The following SEL1L2 variants were observed in gnomAD, a reference collection of about 807,000 sequenced individuals.
SEL1L2 encodes the protein SEL1L2 adaptor subunit of SYVN1 ubiquitin ligase.
Under a neutral mutation model 98.8 loss-of-function variants are expected in SEL1L2, and 89 were observed. The ratio of observed to expected loss-of-function variants is 0.90; its 90% CI spans 0.76 to 1.07. The LOEUF (loss-of-function observed/expected upper bound fraction) is 1.07. Among genes scored for constraint, SEL1L2 ranks in the 50% least tolerant of loss-of-function variants. SEL1L2 has a pLI of 0.00. For synonymous variants in SEL1L2, 262 were observed against 278.5 expected (o/e 0.94, Z 0.59); for missense variants, 788 against 812.0 (o/e 0.97, Z 0.36).
intron 5 of SEL1L2, 70 bp downstream of exon 5, chr20:13,913,712 C>G: frequency 7.5e-7 from 1 of 1,338,734 alleles, no homozygotes; most frequent in Non-Finnish European, 9.9e-7. Context: ...TTGCTCAACT[C>G]CTTTCACATG....
At position 13,906,005 on chromosome 20, in the gene SEL1L2, G is replaced by T. The variant is rs567422621; in HGVS notation, c.549+7777C>A. Among the ~76,000 whole-genome samples the T allele has an allele frequency of 7.0e-4, 107 of 151,882 alleles. 4 individuals carry two copies. The South Asian group carries it at 0.021, about 30-fold the overall frequency. On this transcript the variant is annotated intron_variant, in intron 5 of 19. Transcript: ENST00000284951. ...TTCTCCTGCCTCGGCCTTCCAAGTG[G>T]CTGGGATTACAAGCATGCACCACCA...
intron 2 of SEL1L2, among the ~76,000 whole-genome samples, chr20:13,934,445 C>T (rs2049336110): frequency 1.8e-5 from 1 of 54,206 alleles, no homozygotes; most frequent in African/African-American, 9.1e-5. Context: ...TATATATATT[C>T]CATATATATA....
At chr20:13,935,171 G>A (rs577829023) in intron 2 of SEL1L2, among the ~76,000 whole-genome samples, 2 of 152,262 alleles carry the variant, frequency 1.3e-5, no homozygotes, top group South Asian at 2.1e-4. Context: ...CACAGTCAGC[G>A]AGACCAAGTA....
At chr20:13,981,017 T>G (rs962440555) in intron 1 of SEL1L2, among the ~76,000 whole-genome samples, 2 of 151,744 alleles carry the variant, frequency 1.3e-5, no homozygotes, top group African/African-American at 4.8e-5. Flanking sequence ...CCAAGGCGGG[T>G]GGATCACCTG....
At chr20:13,875,955 C>T (rs1034648097) in intron 12 of SEL1L2, 83 bp downstream of exon 12, 14 of 1,077,648 alleles carry the variant, frequency 1.3e-5, no homozygotes, top group Non-Finnish European at 1.9e-5. Flanking sequence ...CTTGGGACTT[C>T]GAAGTCAATT....
chr20:13,893,606 A>T (rs2047298921), intron 5 of SEL1L2, among the ~76,000 whole-genome samples: 1 of 152,218 alleles, frequency 6.6e-6, no homozygotes, highest in African/African-American at 2.4e-5. Flanking sequence ...TAAATAGAAC[A>T]ATCAGATAGA....
intron 2 of SEL1L2, among the ~76,000 whole-genome samples, chr20:13,934,088 C>G (rs988008369): frequency 6.7e-6 from 1 of 149,930 alleles, no homozygotes; most frequent in South Asian, 2.1e-4. Flanking sequence ...ATACACGGAA[C>G]CCAATTTGTA....
chr20:13,902,523 T>C (rs1001411802), intron 5 of SEL1L2, among the ~76,000 whole-genome samples: 4 of 152,214 alleles, frequency 2.6e-5, no homozygotes, highest in Non-Finnish European at 4.4e-5. Context: ...ATTTTGGTGC[T>C]TGATCATTCC....
chr20:13,851,545 T>C (rs74736880), intron 18 of SEL1L2: 1 of 148,622 alleles, frequency 6.7e-6, no homozygotes, highest in African/African-American at 2.5e-5. Context: ...TTTCAGGAGC[T>C]TTTTTTTTTC....
intron 3 of SEL1L2, chr20:13,927,934 CTT>C (rs2048970260): frequency 6.6e-6 from 1 of 152,202 alleles, no homozygotes; most frequent in Admixed American, 6.5e-5. Flanking sequence ...CACAGTGAGA[CTT>C]AATATCTCTT....
Position 13,917,786 on chromosome 20 carries a change from C to CTTTTTTTTTTTTTTTTTTTTTT in SEL1L2, c.386+1213_386+1234dup, listed in dbSNP as rs5840588. On this transcript the variant is annotated intron_variant, in intron 4 of 19. Transcript: ENST00000284951. ...CCATACTTTCTTTATTTCTTTCTTT[C>CTTTTTTTTTTTTTTTTTTTTTT]TTTTTTTTTTTTTTTTTTTTTTTTT... Among the ~76,000 whole-genome samples the CTTTTTTTTTTTTTTTTTTTTTT allele has an allele frequency of 8.4e-4, 42 of 50,104 alleles. 2 individuals carry two copies. Among genetic ancestry groups the CTTTTTTTTTTTTTTTTTTTTTT allele is most frequent in the African/African-American group, 1.4e-3 (15 of 11,020 alleles). 32.9% of individuals were successfully genotyped at this position (50,104 alleles called of 152,430 possible). A position where few individuals can be genotyped will look rare whatever the true frequency, so the allele number is the denominator to read the frequency against.
intron 12 of SEL1L2, 61 bp from the exon 13 acceptor site, chr20:13,870,264 T>G: frequency 7.4e-7 from 1 of 1,346,536 alleles, no homozygotes; most frequent in Non-Finnish European, 1.0e-6. Context: ...GGAAAATTAC[T>G]GCAAAATTTT....
chr20:13,947,564 C>T (rs2050075137), intron 2 of SEL1L2, among the ~76,000 whole-genome samples: 1 of 150,036 alleles, frequency 6.7e-6, no homozygotes, highest in African/African-American at 2.5e-5. Flanking sequence ...AACTTGGGAC[C>T]CGCTGAATGG....
At chr20:13,993,707 A>G (rs1569103269), upstream of SEL1L2, among the ~76,000 whole-genome samples, 1 of 152,168 alleles carries the variant, frequency 6.6e-6, no homozygotes, top group Non-Finnish European at 1.5e-5. Flanking sequence ...TCACATTTCT[A>G]CATAAGAAGT....
At chr20:13,909,833 G>GC (rs1030239556) in intron 5 of SEL1L2, among the ~76,000 whole-genome samples, 3 of 152,036 alleles carry the variant, frequency 2.0e-5, no homozygotes, top group African/African-American at 7.2e-5. Flanking sequence ...AGGTGTGGTG[G>GC]CACAGCCCGT....
At chr20:13,851,336 T>C (rs1164448518) in intron 18 of SEL1L2, 1 of 152,184 alleles carries the variant, frequency 6.6e-6, no homozygotes, top group Admixed American at 6.6e-5. Context: ...TACCTGAAGT[T>C]CTAGAATTTA....
chr20:13,920,422 C>T (rs868127495), intron 3 of SEL1L2, among the ~76,000 whole-genome samples: 11 of 152,104 alleles, frequency 7.2e-5, no homozygotes, highest in East Asian at 1.9e-4. Flanking sequence ...ATTTTCCAAA[C>T]GTTTATGTAA....
intron 1 of SEL1L2, among the ~76,000 whole-genome samples, chr20:13,961,840 C>T (rs982309686): frequency 8.5e-5 from 13 of 152,172 alleles, no homozygotes; most frequent in African/African-American, 3.1e-4. Context: ...CCAACATGCA[C>T]CTGGCTAGAT....
chr20:13,973,061 T>C (rs370154491), intron 1 of SEL1L2, among the ~76,000 whole-genome samples: 15 of 152,326 alleles, frequency 9.8e-5, no homozygotes, highest in African/African-American at 3.6e-4. Flanking sequence ...TTATTTCATA[T>C]GTATCACCTC....
Sources: allele counts gnomAD v4.1 joint callset (sites outside exome capture counted in the v4.1 genomes callset), GRCh38; gene constraint gnomAD v4.1.1; transcripts MANE v1.5; gene names NCBI Gene and HGNC (gene_info 2026-07-23, HGNC 2026-07-21).